The following FAR2 variants were observed in gnomAD, a reference collection of about 807,000 sequenced individuals.
FAR2 encodes the protein fatty acyl-CoA reductase 2.
A neutral mutation model predicts 56.0 loss-of-function variants in FAR2; 19 were observed. The ratio of observed to expected loss-of-function variants is 0.34; its 90% CI spans 0.24 to 0.50. FAR2 has a LOEUF of 0.50. Among genes scored for constraint, FAR2 ranks in the 20% least tolerant of loss-of-function variants. The pLI is 0.98. For missense variants in FAR2, 508 were observed against 642.2 expected (o/e 0.79, Z 2.26); for synonymous variants, 219 against 218.8 (o/e 1.00, Z -0.01).
intron 1 of FAR2, among the ~76,000 whole-genome samples, chr12:29,174,994 G>A (rs753887838): frequency 1.3e-5 from 2 of 152,142 alleles, no homozygotes; most frequent in East Asian, 1.9e-4. Context: ...GCAAACCAAC[G>A]CTTCCAACTC....
chr12:29,330,821 T>C (rs1949720366), intron 10 of FAR2, among the ~76,000 whole-genome samples: 2 of 152,156 alleles, frequency 1.3e-5, no homozygotes, highest in African/African-American at 4.8e-5. Flanking sequence ...GCCTTTTATT[T>C]GGTACCATCT....
rs10693997 is a variant in FAR2, at chr12:29,330,056, C to CTTTTTT, written c.1258-2531_1258-2526dup. On this transcript the variant is annotated intron_variant, in intron 10 of 11. Transcript: ENST00000536681. The stretch of plus-strand genomic sequence containing the variant: ...TTATCTAAAGCAAATACATTTATGA[C>CTTTTTT]TTTTTTTTTTTTTTTTTTGAGACCA... 5.5e-5 allele frequency among the ~76,000 whole-genome samples: 7 copies of CTTTTTT among 127,036 alleles called. 1 individual carries two copies. The highest frequency in any genetic ancestry group is 8.0e-5 in the Non-Finnish European group (5 of 62,268). The allele number at this position is 127,036 out of a possible 152,430, so 83.3% of individuals were successfully genotyped here.
intron 1 of FAR2, among the ~76,000 whole-genome samples, chr12:29,252,149 G>C (rs898835919): frequency 6.6e-6 from 1 of 152,142 alleles, no homozygotes; most frequent in African/African-American, 2.4e-5. Context: ...ATGACTACTA[G>C]GGGAAAATGG....
At chr12:29,323,088 G>A (rs2136815531) in intron 10 of FAR2, among the ~76,000 whole-genome samples, 1 of 152,372 alleles carries the variant, frequency 6.6e-6, no homozygotes, top group African/African-American at 2.4e-5. Context: ...TTAACAAATG[G>A]CACACCATGT....
At chr12:29,219,008 C>T (rs577106624) in intron 1 of FAR2, among the ~76,000 whole-genome samples, 44 of 152,248 alleles carry the variant, frequency 2.9e-4, no homozygotes, top group Middle Eastern at 3.4e-3. Flanking sequence ...CTTTCCTCAG[C>T]GTCTTGAGTA....
At chr12:29,264,930 G>C (rs1948488129) in intron 1 of FAR2, among the ~76,000 whole-genome samples, 1 of 151,912 alleles carries the variant, frequency 6.6e-6, no homozygotes, top group African/African-American at 2.4e-5. Context: ...ATTTACAGTA[G>C]CTACAAATAA....
chr12:29,307,969 T>G lies in FAR2; in HGVS notation c.723+134T>G, dbSNP rs1949280861. 4.2e-6 allele frequency: 4 copies of G among 948,012 alleles called. No individual in the cohort carries two copies. The East Asian group carries it at 1.1e-4, about 26-fold the overall frequency. The allele number at this position is 948,012 out of a possible 1,614,324, so 58.7% of individuals were successfully genotyped here. ...TGCAGCCAATCGAATATGAACCCAT[T>G]ATACTAGGGCAAAATTCCACTTTGG... On this transcript the variant is annotated intron_variant, in intron 5 of 11. Transcript: ENST00000536681.
At chr12:29,235,818 A>G (rs1322448843) in intron 1 of FAR2, among the ~76,000 whole-genome samples, 1 of 152,158 alleles carries the variant, frequency 6.6e-6, no homozygotes, top group African/African-American at 2.4e-5. Flanking sequence ...GTCAGAAAAT[A>G]AGGTGCTGCT....
rs73265766 is a variant in FAR2, at chr12:29,183,098, C to T, written c.-39+33691C>T. ...AATTGCATTCCAGTCCTCATTAAAGCGGAAGTCTCAGTGGTATTCAACTCT... is the reference window on the plus strand; with the variant it reads ...AATTGCATTCCAGTCCTCATTAAAGTGGAAGTCTCAGTGGTATTCAACTCT... On this transcript the variant is annotated intron_variant, in intron 1 of 11. Transcript: ENST00000536681. 2.2e-3 allele frequency among the ~76,000 whole-genome samples: 336 copies of T among 152,176 alleles called. 2 individuals carry two copies. The highest frequency in any genetic ancestry group is 7.5e-3 in the African/African-American group (311 of 41,518).
At chr12:29,207,862 C>A (rs915611864) in intron 1 of FAR2, among the ~76,000 whole-genome samples, 3 of 152,146 alleles carry the variant, frequency 2.0e-5, no homozygotes, top group Non-Finnish European at 4.4e-5. Context: ...AATGCAGGAA[C>A]TTGAACACAG....
At chr12:29,199,039 A>G in intron 1 of FAR2, among the ~76,000 whole-genome samples, 1 of 152,226 alleles carries the variant, frequency 6.6e-6, no homozygotes. Flanking sequence ...CAATTGCAGT[A>G]ACCACTGTAA....
Position 29,308,377 on chromosome 12 carries a change from A to G in FAR2, c.723+542A>G, listed in dbSNP as rs184441928. On this transcript the variant is annotated intron_variant, in intron 5 of 11. Transcript: ENST00000536681. The stretch of plus-strand genomic sequence containing the variant: ...CTCCACTACTTACTGGTAATGCAAC[A>G]TTTTTGAGTTGTCCCTTCCATAAAA... 8.5e-4 allele frequency among the ~76,000 whole-genome samples: 129 copies of G among 152,176 alleles called. 1 individual carries two copies. Among genetic ancestry groups the G allele is most frequent in the Middle Eastern group, 3.4e-3 (1 of 294 alleles).
At chr12:29,209,590 G>T (rs747045978) in intron 1 of FAR2, among the ~76,000 whole-genome samples, 2 of 152,108 alleles carry the variant, frequency 1.3e-5, no homozygotes, top group South Asian at 4.2e-4. Flanking sequence ...AGATGGGTTT[G>T]CTAGGCTGGC....
chr12:29,316,860 C>T lies in FAR2; in HGVS notation c.975C>T (p.Thr325=), dbSNP rs1188315008. The T allele has an allele frequency of 3.1e-6, 5 of 1,614,030 alleles. No homozygotes were observed. The highest frequency in any genetic ancestry group is 3.4e-6 in the Non-Finnish European group (4 of 1,179,978). ...WHKMGVQVLA[T]FEKIPFERPF... ...CCCCAGGAGTCCAAGTCTTGGCAACCTTTGAAAAAATCCCATTTGAGAGAC... is the reference window on the plus strand; with the variant it reads ...CCCCAGGAGTCCAAGTCTTGGCAACTTTTGAAAAAATCCCATTTGAGAGAC... The change falls in exon 9 of 12, where the codon ACC becomes ACT. Residue 325 remains threonine (T), a synonymous_variant. Transcript: ENST00000536681.
At chr12:29,163,572 A>G (rs779304756) in intron 1 of FAR2, among the ~76,000 whole-genome samples, 5 of 152,242 alleles carry the variant, frequency 3.3e-5, no homozygotes, top group Non-Finnish European at 5.9e-5. Flanking sequence ...CTCATGTCCT[A>G]TGATTCTGCA....
intron 1 of FAR2, among the ~76,000 whole-genome samples, chr12:29,177,028 A>G (rs1054803231): frequency 6.6e-6 from 1 of 152,232 alleles, no homozygotes; most frequent in Non-Finnish European, 1.5e-5. Flanking sequence ...ATCAACACCG[A>G]GTGCTTATGT....
intron 1 of FAR2, among the ~76,000 whole-genome samples, chr12:29,201,043 C>A (rs894122165): frequency 6.6e-6 from 1 of 152,116 alleles, no homozygotes; most frequent in South Asian, 2.1e-4. Flanking sequence ...CAGCTGGTGC[C>A]CCCTTGAGAG....
At chr12:29,180,506 C>T (rs1366253695) in intron 1 of FAR2, among the ~76,000 whole-genome samples, 1 of 152,172 alleles carries the variant, frequency 6.6e-6, no homozygotes, top group Non-Finnish European at 1.5e-5. Context: ...TTTGTCCATT[C>T]ACTTGTGGCT....
intron 7 of FAR2, 39 bp from the exon 8 acceptor site, chr12:29,311,844 A>G (rs376750294): frequency 1.4e-6 from 2 of 1,395,766 alleles, no homozygotes; most frequent in South Asian, 1.2e-5. Context: ...TTAGTTTTCT[A>G]TTTTGTTGTA....
Sources: gnomAD v4.1 joint callset for allele counts (sites outside exome capture counted in the v4.1 genomes callset) on GRCh38, gnomAD v4.1.1 for gene constraint, MANE v1.5 for transcripts, NCBI Gene and HGNC (gene_info 2026-07-23, HGNC 2026-07-21) for gene names.